Variants in SYT2 observed in about 807,000 individuals in gnomAD.
SYT2 encodes the protein synaptotagmin-2.
In SYT2, 15 loss-of-function variants were observed where a neutral mutation model predicts 39.9. The observed-to-expected ratio is 0.38, with a 90% CI of 0.25 to 0.58. The LOEUF is 0.58. Among genes scored for constraint, SYT2 ranks in the 20% least tolerant of loss-of-function variants. The pLI, the probability that SYT2 is intolerant of heterozygous loss-of-function variation, is 0.70. For missense variants in SYT2, 389 were observed against 530.3 expected, an observed-to-expected ratio of 0.73 and a Z score of 2.62; for synonymous variants, 181 against 204.5, an observed-to-expected ratio of 0.89 and a Z score of 0.98.
chr1:202,693,078 A>G (rs1225558411), intron 1 of SYT2, among the ~76,000 whole-genome samples: 1 of 152,124 alleles, frequency 6.6e-6, no homozygotes, highest in East Asian at 1.9e-4. Context: ...TGAGATATTG[A>G]TGCATCCATC....
rs563462642 is a variant in SYT2, at chr1:202,623,297, T to A, written c.-17-17508A>T. On this transcript the variant is annotated intron_variant, in intron 1 of 8. Coordinates refer to ENST00000367268, the MANE Select transcript of SYT2 (RefSeq NM_177402.5). The surrounding 1 kb of genome is among the most constrained non-coding windows in gnomAD (Gnocchi z 4.2). ...CGCACTCTAGCCAAGACGGAGAAGCTGCTGAGTCACAGTCCAGCCGCCTGG... is the reference window on the plus strand; with the variant it reads ...CGCACTCTAGCCAAGACGGAGAAGCAGCTGAGTCACAGTCCAGCCGCCTGG... Among the ~76,000 whole-genome samples the A allele has an allele frequency of 2.0e-5, 3 of 152,344 alleles. No homozygotes were observed. Among genetic ancestry groups the A allele is most frequent in the South Asian group, 4.1e-4 (2 of 4,832 alleles).
At chr1:202,677,216 T>C (rs1282645514) in intron 1 of SYT2, among the ~76,000 whole-genome samples, 2 of 152,198 alleles carry the variant, frequency 1.3e-5, no homozygotes, top group Non-Finnish European at 2.9e-5. Context: ...AGGTTTTAAA[T>C]ACATATGTGG....
rs1373978959 is a variant in SYT2, at chr1:202,623,712, G to A, written c.-17-17923C>T. Among the ~76,000 whole-genome samples, 1 of 152,210 alleles carries A rather than the reference G, an allele frequency of 6.6e-6. No individual in the cohort carries two copies. Among genetic ancestry groups the A allele is most frequent in the Non-Finnish European group, 1.5e-5 (1 of 68,030 alleles). The stretch of plus-strand genomic sequence containing the variant: ...TCTGTTGTGCGCATGCTCTGAGTGT[G>A]AGGGAGGACGGGTAGGACTGTGGGG... On this transcript the variant is annotated intron_variant, in intron 1 of 8. Coordinates refer to ENST00000367268, the MANE Select transcript of SYT2 (RefSeq NM_177402.5). This position sits in a 1 kb window ranked among gnomAD's most constrained non-coding sequence, Gnocchi z 4.2.
intron 1 of SYT2, among the ~76,000 whole-genome samples, chr1:202,627,001 A>C (rs955895777): frequency 6.6e-5 from 10 of 152,216 alleles, no homozygotes; most frequent in African/African-American, 1.7e-4. Context: ...GGCTGAGTCC[A>C]TGCTGACCAC....
rs538400955 is a variant in SYT2, at chr1:202,614,315, G to C, written c.-17-8526C>G. On this transcript the variant is annotated intron_variant, in intron 1 of 8. Coordinates refer to ENST00000367268, the MANE Select transcript of SYT2 (RefSeq NM_177402.5). This position sits in a 1 kb window ranked among gnomAD's most constrained non-coding sequence, Gnocchi z 4.0. ...TATACCCAGCAGGAACCACTGAAGG[G>C]TGCTGAGCAGTTATAAGTGGGGTTT... 1.6e-4 allele frequency among the ~76,000 whole-genome samples: 24 copies of C among 152,308 alleles called. No individual in the cohort carries two copies. The highest frequency in any genetic ancestry group is 1.5e-3 in the Admixed American group (23 of 15,284).
At chr1:202,597,266 A>G (rs1259203915) in intron 8 of SYT2, among the ~76,000 whole-genome samples, 1 of 152,224 alleles carries the variant, frequency 6.6e-6, no homozygotes, top group African/African-American at 2.4e-5. Flanking sequence ...CCTCAATGAG[A>G]TCAGCAGACA....
intron 1 of SYT2, among the ~76,000 whole-genome samples, chr1:202,612,641 A>G (rs528268239): frequency 6.6e-5 from 10 of 152,312 alleles, no homozygotes; most frequent in African/African-American, 2.4e-4. Flanking sequence ...TGCTGGTACT[A>G]CAGGCATGAA....
chr1:202,677,393 T>C (rs1010648086), intron 1 of SYT2, among the ~76,000 whole-genome samples: 1 of 152,218 alleles, frequency 6.6e-6, no homozygotes, highest in African/African-American at 2.4e-5. Context: ...AATGAAAATG[T>C]AATGCACTTC....
At chr1:202,626,398 CTTTTTTTTTTTTTT>C (rs58802666) in intron 1 of SYT2, among the ~76,000 whole-genome samples, 13 of 72,454 alleles carry the variant, frequency 1.8e-4, no homozygotes, top group Non-Finnish European at 3.3e-4. Context: ...AGCCTCTCAG[CTTTTTTTTTTTTTT>C]TTTTTTTTTT....
At chr1:202,609,146 C>T (rs1337418900) in intron 1 of SYT2, among the ~76,000 whole-genome samples, 13 of 150,072 alleles carry the variant, frequency 8.7e-5, no homozygotes, top group South Asian at 4.3e-4. Context: ...TTTGTCCTTG[C>T]GATAGTTTGC....
At chr1:202,659,993 A>G (rs1692348626) in intron 1 of SYT2, among the ~76,000 whole-genome samples, 1 of 152,170 alleles carries the variant, frequency 6.6e-6, no homozygotes, top group Non-Finnish European at 1.5e-5. Flanking sequence ...AGGTCCTTCA[A>G]TGAAAACAAA....
intron 1 of SYT2, among the ~76,000 whole-genome samples, chr1:202,684,911 G>C (rs1653623027): frequency 6.6e-6 from 1 of 152,114 alleles, no homozygotes; most frequent in African/African-American, 2.4e-5. Flanking sequence ...TGCCCTCCAG[G>C]ACACAGCAGG....
At chr1:202,608,546 C>A (rs1416495213) in intron 1 of SYT2, among the ~76,000 whole-genome samples, 2 of 152,152 alleles carry the variant, frequency 1.3e-5, no homozygotes, top group African/African-American at 2.4e-5. Flanking sequence ...AAAATGTTGG[C>A]ATTACAGGCA....
intron 1 of SYT2, among the ~76,000 whole-genome samples, chr1:202,612,461 G>A (rs1239882169): frequency 3.9e-5 from 6 of 152,150 alleles, no homozygotes; most frequent in East Asian, 1.9e-4. Flanking sequence ...TTGACCTCCC[G>A]GGCTCAATTG....
chr1:202,677,219 A>G (rs1393029602), intron 1 of SYT2, among the ~76,000 whole-genome samples: 9 of 152,176 alleles, frequency 5.9e-5, no homozygotes, highest in Non-Finnish European at 1.3e-4. Flanking sequence ...TTTTAAATAC[A>G]TATGTGGCAG....
Position 202,704,779 on chromosome 1 carries a change from G to A in SYT2, c.-18+5479C>T, listed in dbSNP as rs558138596. ...ACATCAGCATGCCATCACAGATAGG[G>A]CTGCTGAGGCTGGAGCAGCTCTGGA... On this transcript the variant is annotated intron_variant, in intron 1 of 8. Transcript: ENST00000367268. Among the ~76,000 whole-genome samples, 4 of 152,068 alleles carry A rather than the reference G, an allele frequency of 2.6e-5. No individual in the cohort carries two copies. In the East Asian group the frequency reaches 7.7e-4, roughly 29 times the overall value.
rs370624816 is a variant in SYT2, at chr1:202,617,471, C to A, written c.-17-11682G>T. Among the ~76,000 whole-genome samples the A allele has an allele frequency of 6.8e-4, 104 of 152,294 alleles. 1 individual carries two copies. The East Asian group carries it at 0.011, about 16-fold the overall frequency. On this transcript the variant is annotated intron_variant, in intron 1 of 8. Coordinates refer to ENST00000367268, the MANE Select transcript of SYT2 (RefSeq NM_177402.5). The stretch of plus-strand genomic sequence containing the variant: ...GATTGTAAGTTTCCTGAGGCCTCTC[C>A]AGAAGCCGAGCAGATGCCAGCATCA...
At chr1:202,641,279 T>C (rs1379655745) in intron 1 of SYT2, among the ~76,000 whole-genome samples, 4 of 152,158 alleles carry the variant, frequency 2.6e-5, no homozygotes, top group African/African-American at 9.7e-5. Flanking sequence ...GGGCAATGCA[T>C]TGGGAATTCC....
chr1:202,601,940 C>T lies in SYT2; in HGVS notation c.751G>A (p.Gly251Ser), dbSNP rs764034373. ...VKVPMNTVDL[G>S]QPIEEWRDLQ... is the part of the protein sequence containing the mutation. ...TCTCTCCACTCCTCAATGGGCTGGC[C>T]GAGGTCCACTGTGTTCATAGGCACC... Residue 251 changes from glycine (G) to serine (S), a missense_variant, in exon 6 of 9, where the codon GGC becomes AGC. Gly to Ser is a moderately conservative substitution (Grantham distance 56). Transcript: ENST00000367268. The surrounding 1 kb of genome is among the most constrained non-coding windows in gnomAD (Gnocchi z 4.0). 2.9e-5 allele frequency: 47 copies of T among 1,614,056 alleles called. 1 individual carries two copies. The highest frequency in any genetic ancestry group is 4.4e-5 in the South Asian group (4 of 91,080).
Sources: gnomAD v4.1 joint callset for allele counts (sites outside exome capture counted in the v4.1 genomes callset) on GRCh38, gnomAD v4.1.1 for gene constraint, Gnocchi (gnomAD v3.1) non-coding constraint, MANE v1.5 for transcripts, NCBI Gene and HGNC (gene_info 2026-07-23, HGNC 2026-07-21) for gene names.